The following CTNNA3 variants were observed in gnomAD, a reference collection of about 807,000 sequenced individuals.
CTNNA3 encodes the protein catenin alpha 3.
In CTNNA3, 76 loss-of-function variants were observed where a neutral mutation model predicts 95.7. The ratio of observed to expected loss-of-function variants is 0.79; its 90% confidence interval spans 0.66 to 0.96. CTNNA3 has a LOEUF of 0.96. Ranked by LOEUF, CTNNA3 falls within the 40% of genes least tolerant of loss-of-function variation. The pLI, the probability that CTNNA3 is intolerant of heterozygous loss-of-function variation, is 0.00. For synonymous variants in CTNNA3, 431 were observed against 374.4 expected (o/e 1.15, Z -1.74); for missense variants, 1,191 against 1,089.8 (o/e 1.09, Z -1.31).
chr10:67,126,434 G>A (rs1442368041), intron 7 of CTNNA3, among the ~76,000 whole-genome samples: 2 of 152,214 alleles, frequency 1.3e-5, no homozygotes, highest in Non-Finnish European at 2.9e-5. Context: ...GACTGAGGCG[G>A]GAGAATCGCT....
intron 12 of CTNNA3, among the ~76,000 whole-genome samples, chr10:66,308,869 C>T (rs968824725): frequency 6.6e-6 from 1 of 152,112 alleles, no homozygotes; most frequent in Non-Finnish European, 1.5e-5. Flanking sequence ...TTCATCAGGA[C>T]ACCTTGGCTT....
intron 9 of CTNNA3, among the ~76,000 whole-genome samples, chr10:66,636,225 T>C (rs992818530): frequency 6.6e-6 from 1 of 152,026 alleles, no homozygotes; most frequent in Non-Finnish European, 1.5e-5. Context: ...GTATAGCTAA[T>C]TATGTAATAT....
At chr10:66,308,707 G>A (rs1044711357) in intron 12 of CTNNA3, among the ~76,000 whole-genome samples, 17 of 151,900 alleles carry the variant, frequency 1.1e-4, no homozygotes, top group Non-Finnish European at 5.9e-5. Context: ...TTTTTATCAT[G>A]TCTTTTTAAA....
chr10:67,517,380 T>G (rs923727759), intron 5 of CTNNA3, among the ~76,000 whole-genome samples: 2 of 152,174 alleles, frequency 1.3e-5, no homozygotes, highest in Non-Finnish European at 2.9e-5. Context: ...CAAATAAATT[T>G]TATCTAACTT....
intron 7 of CTNNA3, among the ~76,000 whole-genome samples, chr10:66,807,609 C>G (rs1320982157): frequency 6.6e-6 from 1 of 152,156 alleles, no homozygotes; most frequent in African/African-American, 2.4e-5. Context: ...AACACCTGTA[C>G]TTGGAAAACT....
chr10:67,642,723 A>T (rs1839578975), intron 2 of CTNNA3, among the ~76,000 whole-genome samples: 1 of 152,080 alleles, frequency 6.6e-6, no homozygotes, highest in Non-Finnish European at 1.5e-5. Flanking sequence ...TCTCAAAAAA[A>T]AAAAGTTCAA....
At chr10:66,888,461 A>G (rs1455782926) in intron 7 of CTNNA3, among the ~76,000 whole-genome samples, 1 of 152,138 alleles carries the variant, frequency 6.6e-6, no homozygotes, top group Non-Finnish European at 1.5e-5. Context: ...GGTTGTGGTA[A>G]TTTGTTATAG....
chr10:67,523,333 T>C (rs1840039773), intron 4 of CTNNA3, among the ~76,000 whole-genome samples: 1 of 152,226 alleles, frequency 6.6e-6, no homozygotes, highest in African/African-American at 2.4e-5. Context: ...AGATGGACAC[T>C]GACACTTACT....
intron 5 of CTNNA3, among the ~76,000 whole-genome samples, chr10:67,503,829 G>A (rs1839309609): frequency 1.3e-5 from 2 of 152,132 alleles, no homozygotes; most frequent in African/African-American, 4.8e-5. Context: ...TATATCAAGA[G>A]TAAGAAATAA....
chr10:66,333,139 T>G (rs2092351775), intron 12 of CTNNA3, among the ~76,000 whole-genome samples: 1 of 152,048 alleles, frequency 6.6e-6, no homozygotes, highest in South Asian at 2.1e-4. Context: ...TTAGTCTTGC[T>G]AGCGGCCTAT....
At chr10:66,542,746 G>A (rs901453017) in intron 10 of CTNNA3, among the ~76,000 whole-genome samples, 3 of 142,892 alleles carry the variant, frequency 2.1e-5, no homozygotes, top group Non-Finnish European at 3.0e-5. Flanking sequence ...TGTGGGGTTG[G>A]GGGAGGGGGG....
intron 10 of CTNNA3, among the ~76,000 whole-genome samples, chr10:66,617,353 C>T (rs967830474): frequency 6.8e-6 from 1 of 146,932 alleles, no homozygotes; most frequent in Non-Finnish European, 1.5e-5. Context: ...CATCAAAAAG[C>T]TTATCCACCA....
chr10:67,540,111 A>G (rs1015894756), intron 3 of CTNNA3, among the ~76,000 whole-genome samples: 3 of 152,166 alleles, frequency 2.0e-5, no homozygotes, highest in Admixed American at 1.3e-4. Context: ...AATTTATTCT[A>G]AACTATCAAT....
At chr10:66,103,129 G>T (rs373519359) in intron 14 of CTNNA3, 28 bp downstream of exon 14, 7 of 1,573,504 alleles carry the variant, frequency 4.4e-6, no homozygotes, top group Non-Finnish European at 5.2e-6. Context: ...CACAGTACAT[G>T]GTTCTCCCAC....
intron 13 of CTNNA3, among the ~76,000 whole-genome samples, chr10:66,133,812 T>C (rs1049292944): frequency 6.6e-5 from 10 of 152,182 alleles, no homozygotes; most frequent in Non-Finnish European, 1.3e-4. Context: ...TTAGGAAAAC[T>C]GTATACTCAT....
intron 2 of CTNNA3, among the ~76,000 whole-genome samples, chr10:67,643,527 G>T (rs955338134): frequency 2.6e-5 from 4 of 151,724 alleles, no homozygotes; most frequent in Non-Finnish European, 5.9e-5. Flanking sequence ...AAATAAACAG[G>T]TTACTCTTTT....
At chr10:66,449,609 T>G (rs572793621) in intron 11 of CTNNA3, among the ~76,000 whole-genome samples, 1 of 152,170 alleles carries the variant, frequency 6.6e-6, no homozygotes, top group South Asian at 2.1e-4. Context: ...AAGGCTATGA[T>G]TTTTTGCCTT....
chr10:66,544,581 A>G (rs1205131387), intron 10 of CTNNA3, among the ~76,000 whole-genome samples: 1 of 152,154 alleles, frequency 6.6e-6, no homozygotes, highest in Non-Finnish European at 1.5e-5. Flanking sequence ...TCAAATTAAT[A>G]AATCTCTTGA....
chr10:66,595,331 TTTATTATTA>T (rs138690387), intron 10 of CTNNA3, among the ~76,000 whole-genome samples: 4 of 149,154 alleles, frequency 2.7e-5, no homozygotes, highest in Admixed American at 6.7e-5. Flanking sequence ...ATTGATCTTA[TTTATTATTA>T]TTATTATTAT....
Sources: allele counts gnomAD v4.1 joint callset (sites outside exome capture counted in the v4.1 genomes callset), GRCh38; gene constraint gnomAD v4.1.1; transcripts MANE v1.5; gene names NCBI Gene and HGNC (gene_info 2026-07-23, HGNC 2026-07-21).